ABI1: variants seen among roughly 807,000 people sequenced by gnomAD.
ABI1 encodes the protein Abelson interactor 1.
In ABI1, 14 loss-of-function variants were observed where a neutral mutation model predicts 54.6. That is an observed-to-expected ratio of 0.26 (90% CI 0.17 to 0.40). The LOEUF is 0.40. ABI1 is among the 10% of genes least tolerant of loss of function. The pLI, the probability that ABI1 is intolerant of heterozygous loss-of-function variation, is 1.00. For missense variants in ABI1, 443 were observed against 598.3 expected (o/e 0.74, Z 2.71); for synonymous variants, 194 against 209.3 (o/e 0.93, Z 0.63).
chr10:26,818,397 T>C (rs952232610), intron 2 of ABI1, among the ~76,000 whole-genome samples: 1 of 151,672 alleles, frequency 6.6e-6, no homozygotes, highest in Non-Finnish European at 1.5e-5. Context: ...GGCAGGCAGA[T>C]CACTTGAGGT....
At chr10:26,849,226 A>G (rs10829108) in intron 1 of ABI1, among the ~76,000 whole-genome samples, 39,080 of 152,058 alleles carry the variant, frequency 0.26, 5,721 homozygotes, top group South Asian at 0.44. Context: ...AGGTAAATAA[A>G]ATTACAATAG....
At chr10:26,838,918 A>C (rs1040353289) in intron 1 of ABI1, among the ~76,000 whole-genome samples, 1 of 152,224 alleles carries the variant, frequency 6.6e-6, no homozygotes, top group Non-Finnish European at 1.5e-5. Context: ...TATAATTCTA[A>C]AAATGAACAA....
intron 1 of ABI1, among the ~76,000 whole-genome samples, chr10:26,829,978 G>A (rs913521050): frequency 1.9e-4 from 29 of 152,054 alleles, no homozygotes; most frequent in African/African-American, 6.5e-4. Context: ...CCCATCCTCC[G>A]GACCCTGGAA....
chr10:26,833,742 A>G (rs17816671), intron 1 of ABI1, among the ~76,000 whole-genome samples: 39,660 of 149,848 alleles, frequency 0.26, 5,969 homozygotes, highest in South Asian at 0.44. Context: ...AAAAAATACA[A>G]TCAGATAATG....
At chr10:26,759,424 G>C (rs1223528949) in intron 7 of ABI1, among the ~76,000 whole-genome samples, 186 bp from the exon 8 acceptor site, 1 of 150,682 alleles carries the variant, frequency 6.6e-6, no homozygotes, top group African/African-American at 2.4e-5. Flanking sequence ...CAAAAACAGA[G>C]AGAAAAAAAA....
At chr10:26,797,893 T>C (rs964160573) in intron 2 of ABI1, among the ~76,000 whole-genome samples, 2 of 152,226 alleles carry the variant, frequency 1.3e-5, no homozygotes, top group Admixed American at 1.3e-4. Context: ...ACAGACTTTA[T>C]GTCTTGTTAA....
chr10:26,827,825 CT>C (rs1247128688), intron 1 of ABI1, among the ~76,000 whole-genome samples: 1 of 152,064 alleles, frequency 6.6e-6, no homozygotes, highest in African/African-American at 2.4e-5. Context: ...ACTCCTGTCC[CT>C]TGTGATTCCA....
chr10:26,842,627 C>T (rs10829101), intron 1 of ABI1, among the ~76,000 whole-genome samples: 38,889 of 152,002 alleles, frequency 0.26, 5,639 homozygotes, highest in South Asian at 0.44. Context: ...TATTGATATA[C>T]CAGTACAAAA....
chr10:26,777,536 T>C (rs1841563750), intron 2 of ABI1, among the ~76,000 whole-genome samples: 1 of 152,146 alleles, frequency 6.6e-6, no homozygotes, highest in South Asian at 2.1e-4. Flanking sequence ...TATCAGCACT[T>C]TAGGCCAAGA....
At chr10:26,778,498 G>GAAAAAAAA (rs79625616) in intron 2 of ABI1, among the ~76,000 whole-genome samples, 1 of 76,142 alleles carries the variant, frequency 1.3e-5, no homozygotes. Flanking sequence ...GTAGGAAAAA[G>GAAAAAAAA]AAAAAAAAAA....
intron 1 of ABI1, chr10:26,839,651 T>TTA: frequency 1.9e-6 from 1 of 529,968 alleles, no homozygotes; most frequent in Non-Finnish European, 3.3e-6. Context: ...TACTTCTGTT[T>TTA]AAAAAAAAAA....
chr10:26,796,420 T>C (rs1486961226), intron 2 of ABI1, among the ~76,000 whole-genome samples: 1 of 152,206 alleles, frequency 6.6e-6, no homozygotes, highest in Non-Finnish European at 1.5e-5. Flanking sequence ...TACCACTGTG[T>C]TCCAATTGCC....
intron 8 of ABI1, among the ~76,000 whole-genome samples, chr10:26,757,798 T>G (rs1372097758): frequency 6.6e-6 from 1 of 152,202 alleles, no homozygotes; most frequent in Non-Finnish European, 1.5e-5. Context: ...GAACTTTCAG[T>G]GGCTCACGCC....
At position 26,801,937 on chromosome 10, in the gene ABI1, C is replaced by A. The variant is rs189453839; in HGVS notation, c.285+21201G>T. On this transcript the variant is annotated intron_variant, in intron 2 of 10. Transcript: ENST00000376140. ...AGCTATATAATTCAAATAATAAATG[C>A]TATGAAGGGAAAGTATAGGATGCCA... Among the ~76,000 whole-genome samples the A allele has an allele frequency of 5.9e-5, 9 of 152,246 alleles. No homozygotes were observed. The East Asian group carries it at 1.7e-3, about 29-fold the overall frequency.
At chr10:26,788,202 C>T (rs966592468) in intron 2 of ABI1, among the ~76,000 whole-genome samples, 1 of 152,170 alleles carries the variant, frequency 6.6e-6, no homozygotes, top group Non-Finnish European at 1.5e-5. Context: ...TTGCTGCCGT[C>T]GTGTAAGAAG....
intron 2 of ABI1, among the ~76,000 whole-genome samples, chr10:26,811,745 AAATTTAT>A (rs2047243018): frequency 1.6e-4 from 2 of 12,330 alleles, no homozygotes; most frequent in African/African-American, 2.8e-4. Flanking sequence ...AAATTTGTAT[AAATTTAT>A]GCAAAGATTT....
At chr10:26,761,617 C>CATAT (rs1164854399) in intron 7 of ABI1, among the ~76,000 whole-genome samples, 1,469 of 49,634 alleles carry the variant, frequency 0.03, 43 homozygotes, top group Non-Finnish European at 0.035. Context: ...TAGTTTTTGT[C>CATAT]ATATATATAT....
Position 26,759,231 on chromosome 10 carries a change from C to G in ABI1, c.828G>C (p.Pro276=). ...PSPPTIGPAA[P]GSAPGSQYGT... ...CATACTGGGAACCAGGAGCTGAGCC[C>G]GGGGCTGCTGAAAAGCATTAGTCAA... The change falls in exon 8 of 11, where the codon CCG becomes CCC. Residue 276 remains proline (P), a synonymous_variant. Coordinates refer to ENST00000376140, the MANE Select transcript of ABI1 (RefSeq NM_001012750.3). 1 of 1,613,490 alleles carries G rather than the reference C, an allele frequency of 6.2e-7. No individual in the cohort carries two copies. Among genetic ancestry groups the G allele is most frequent in the Non-Finnish European group, 8.5e-7 (1 of 1,179,778 alleles).
At chr10:26,794,593 C>T in intron 2 of ABI1, among the ~76,000 whole-genome samples, 1 of 150,252 alleles carries the variant, frequency 6.7e-6, no homozygotes, top group Non-Finnish European at 1.5e-5. Flanking sequence ...ACCATACATA[C>T]GAGATGTAAA....
Sources: gnomAD v4.1 joint callset for allele counts (sites outside exome capture counted in the v4.1 genomes callset) on GRCh38, gnomAD v4.1.1 for gene constraint, MANE v1.5 for transcripts, NCBI Gene and HGNC (gene_info 2026-07-23, HGNC 2026-07-21) for gene names.